DNAAF10: variants seen among roughly 807,000 people sequenced by gnomAD.
The protein encoded by DNAAF10 is WD repeat domain 92.
In DNAAF10, 28 loss-of-function variants were observed where a neutral mutation model predicts 43.7. The observed-to-expected ratio is 0.64, with a 90% CI of 0.48 to 0.88. The LOEUF is 0.88. DNAAF10 is among the 40% of genes least tolerant of loss of function. DNAAF10 has a pLI of 0.00. For missense variants in DNAAF10, 403 were observed against 439.1 expected (o/e 0.92, Z 0.73); for synonymous variants, 156 against 157.3 (o/e 0.99, Z 0.06).
At position 68,131,195 on chromosome 2, in the gene DNAAF10, G is replaced by C; in HGVS notation, c.*43C>G. 6.2e-7 allele frequency: 1 copy of C among 1,604,428 alleles called. No individual in the cohort carries two copies. Among genetic ancestry groups the C allele is most frequent in the Non-Finnish European group, 8.5e-7 (1 of 1,171,826 alleles). ...GGCCTCCCAAAGTGCTGGGATTACAGGAGTGAGCCACCGTGCCCAGCCTCA... is the reference window on the plus strand; with the variant it reads ...GGCCTCCCAAAGTGCTGGGATTACACGAGTGAGCCACCGTGCCCAGCCTCA... On this transcript the variant is annotated 3_prime_UTR_variant, in exon 8 of 8. Transcript: ENST00000295121.
chr2:68,131,437 G>C lies in DNAAF10; in HGVS notation c.875C>G (p.Pro292Arg). The C allele has an allele frequency of 1.2e-6, 2 of 1,613,898 alleles. No homozygotes were observed. Among genetic ancestry groups the C allele is most frequent in the South Asian group, 1.1e-5 (1 of 91,078 alleles). Residue 292 changes from proline to arginine, a missense_variant, in exon 8 of 8, where the codon CCT becomes CGT. Physicochemically the swap from Pro to Arg is moderately radical, Grantham distance 103. Transcript: ENST00000295121. ...GGLHLWKYEY[P>R]IQRSKKDSEG... ...AGAATCTTTCTTTGACCGCTGAATA[G>C]GGTATTCACTGAAAACAAGATCAAA...
At chr2:68,154,127 C>T (rs957820609) in intron 1 of DNAAF10, among the ~76,000 whole-genome samples, 3 of 152,110 alleles carry the variant, frequency 2.0e-5, no homozygotes, top group African/African-American at 7.2e-5. Context: ...GGAGAAAGGA[C>T]TCAACTTTTA....
At chr2:68,135,773 C>T (rs1309790013) in intron 6 of DNAAF10, among the ~76,000 whole-genome samples, 1 of 152,064 alleles carries the variant, frequency 6.6e-6, no homozygotes, top group Non-Finnish European at 1.5e-5. Flanking sequence ...TTCAAGCTGT[C>T]GAAACATTTT....
chr2:68,140,254 A>G (rs904783483), intron 4 of DNAAF10, among the ~76,000 whole-genome samples: 6 of 152,076 alleles, frequency 3.9e-5, no homozygotes, highest in Non-Finnish European at 8.8e-5. Flanking sequence ...TTTTTCTCAT[A>G]AACTCCAGCC....
At position 68,137,361 on chromosome 2, in the gene DNAAF10, A is replaced by C; in HGVS notation, c.706T>G (p.Phe236Val). 6.2e-7 allele frequency: 1 copy of C among 1,613,806 alleles called. No individual in the cohort carries two copies. The highest frequency in any genetic ancestry group is 2.2e-5 in the East Asian group (1 of 44,866). ...TGTGTTCTCATGTCAAAAACATGGA[A>C]CTTTCCTTCCAGAGATGTGGCTACT... Reference protein sequence around the residue: ...KLVATSLEGKFHVFDMRTQHP... With the variant: ...KLVATSLEGKVHVFDMRTQHP... The change falls in exon 6 of 8, where the codon TTC (phenylalanine) becomes GTC (valine). Residue 236 changes from phenylalanine to valine, a missense_variant. By Grantham distance (50) the Phe-to-Val change is conservative (BLOSUM62 -1). Transcript: ENST00000295121.
At chr2:68,134,671 T>G (rs1341327581) in intron 7 of DNAAF10, 31 bp downstream of exon 7, 1 of 1,596,864 alleles carries the variant, frequency 6.3e-7, no homozygotes. Flanking sequence ...CAGGTAACTT[T>G]AAAAGGAGCA....
intron 6 of DNAAF10, among the ~76,000 whole-genome samples, chr2:68,136,679 A>C (rs1572917499): frequency 6.6e-6 from 1 of 152,104 alleles, no homozygotes; most frequent in Non-Finnish European, 1.5e-5. Flanking sequence ...TTCTGCATGA[A>C]TTTTCTGTAA....
At chr2:68,142,982 G>T (rs1289258975) in intron 3 of DNAAF10, among the ~76,000 whole-genome samples, 6 of 151,988 alleles carry the variant, frequency 3.9e-5, no homozygotes, top group Admixed American at 6.6e-5. Flanking sequence ...GACCTCCTGG[G>T]TCCAAGTGAT....
chr2:68,131,082 A>T lies in DNAAF10; in HGVS notation c.*156T>A, dbSNP rs2103878668. ...AGATGCCCGCCATGACACCCAGCAA[A>T]TTTTTTTTTATATTTTTAGTAGAGA... On this transcript the variant is annotated 3_prime_UTR_variant, in exon 8 of 8. Transcript: ENST00000295121. 7.8e-6 allele frequency: 5 copies of T among 637,716 alleles called. No individual in the cohort carries two copies. Among genetic ancestry groups the T allele is most frequent in the Non-Finnish European group, 1.0e-5 (4 of 395,624 alleles). 39.5% of individuals were successfully genotyped at this position (637,716 alleles called of 1,614,324 possible).
At chr2:68,156,246 T>C (rs774894839) in intron 1 of DNAAF10, among the ~76,000 whole-genome samples, 15 of 151,930 alleles carry the variant, frequency 9.9e-5, no homozygotes, top group South Asian at 2.1e-4. Context: ...GGGTCTTACA[T>C]ACTTTCTATT....
intron 1 of DNAAF10, 61 bp from the exon 2 acceptor site, chr2:68,147,628 T>A: frequency 1.8e-5 from 22 of 1,205,514 alleles, no homozygotes; most frequent in South Asian, 1.2e-4. Flanking sequence ...TATAATCTAT[T>A]AATATCATAT....
intron 4 of DNAAF10, 87 bp downstream of exon 4, chr2:68,141,607 C>T: frequency 8.0e-7 from 1 of 1,250,206 alleles, no homozygotes; most frequent in Non-Finnish European, 1.2e-6. Context: ...ACAAAACAGA[C>T]CATAAAGAGA....
intron 1 of DNAAF10, among the ~76,000 whole-genome samples, chr2:68,156,471 A>C (rs1673617505): frequency 6.6e-6 from 1 of 152,252 alleles, no homozygotes; most frequent in South Asian, 2.1e-4. Flanking sequence ...AATGCTAGTT[A>C]CTATCATTAT....
intron 4 of DNAAF10, among the ~76,000 whole-genome samples, chr2:68,139,082 TG>T (rs1275993834): frequency 1.3e-5 from 2 of 152,206 alleles, no homozygotes; most frequent in African/African-American, 4.8e-5. Context: ...TTTGGATATT[TG>T]TCCCCCCAAA....
At chr2:68,152,515 G>GTT (rs1404629857) in intron 1 of DNAAF10, among the ~76,000 whole-genome samples, 1 of 151,892 alleles carries the variant, frequency 6.6e-6, no homozygotes, top group Non-Finnish European at 1.5e-5. Flanking sequence ...ATTTTTCATA[G>GTT]TTCACAAACG....
chr2:68,139,834 T>C (rs1673135029), intron 4 of DNAAF10, among the ~76,000 whole-genome samples: 1 of 151,788 alleles, frequency 6.6e-6, no homozygotes, highest in African/African-American at 2.4e-5. Context: ...AAATGCTTTC[T>C]ACTATATCTG....
Position 68,144,563 on chromosome 2 carries a change from T to G in DNAAF10, c.415+22A>C, listed in dbSNP as rs1673268262. On this transcript the variant is annotated intron_variant, in intron 3 of 7. Transcript: ENST00000295121. ...TTTCCATTAAAATAAATAAACAAAA[T>G]ACATAGAATACAGGGACTCACCATC... The G allele has an allele frequency of 2.5e-6, 4 of 1,605,932 alleles. No homozygotes were observed. In the East Asian group the frequency reaches 8.9e-5, roughly 36 times the overall value.
intron 1 of DNAAF10, among the ~76,000 whole-genome samples, chr2:68,151,447 C>A (rs1673455189): frequency 6.6e-6 from 1 of 152,186 alleles, no homozygotes; most frequent in Non-Finnish European, 1.5e-5. Flanking sequence ...ATCTGAAAAA[C>A]CCCTAAATTA....
rs370753823 is a variant in DNAAF10 at position 68,137,287 on chromosome 2, C to A, written c.768+12G>T. ...ATTCTTCTTCATAGAAAGACATTTC[C>A]CTCATATTTACCTTTTCTGAAACAG... On this transcript the variant is annotated intron_variant, in intron 6 of 7. Coordinates refer to ENST00000295121, the MANE Select transcript of DNAAF10 (RefSeq NM_138458.4). The A allele has an allele frequency of 2.5e-6, 4 of 1,602,950 alleles. No individual in the cohort carries two copies. In the East Asian group the frequency reaches 9.0e-5, roughly 36 times the overall value.
Sources: gnomAD v4.1 joint callset for allele counts (sites outside exome capture counted in the v4.1 genomes callset) on GRCh38, gnomAD v4.1.1 for gene constraint, MANE v1.5 for transcripts, NCBI Gene and HGNC (gene_info 2026-07-23, HGNC 2026-07-21) for gene names.